Variants in NSUN4 observed in about 807,000 individuals in gnomAD.
The protein encoded by NSUN4 is NOP2/Sun RNA methyltransferase 4.
Under a neutral mutation model 43.8 loss-of-function variants are expected in NSUN4, and 31 were observed. The ratio of observed to expected loss-of-function variants is 0.71; its 90% CI spans 0.53 to 0.96. NSUN4 has a LOEUF of 0.96. Ranked by LOEUF, NSUN4 falls within the 40% of genes least tolerant of loss-of-function variation. NSUN4 has a pLI of 0.00. For synonymous variants in NSUN4, 167 were observed against 184.1 expected (o/e 0.91, Z 0.75); for missense variants, 439 against 475.6 (o/e 0.92, Z 0.72).
chr1:46,384,202 T>G, the NSUN4 span, among the ~76,000 whole-genome samples: 1 of 152,218 alleles, frequency 6.6e-6, no homozygotes, highest in Non-Finnish European at 1.5e-5. Flanking sequence ...GGCAAAGAAT[T>G]GAACATACTG....
the NSUN4 span, among the ~76,000 whole-genome samples, chr1:46,373,196 A>T: frequency 6.6e-6 from 1 of 152,104 alleles, no homozygotes; most frequent in Non-Finnish European, 1.5e-5. Context: ...TTGTCTTCTG[A>T]TCCTTCACCA....
At chr1:46,358,959 A>C (rs1663601043) in intron 4 of NSUN4, among the ~76,000 whole-genome samples, 3 of 152,066 alleles carry the variant, frequency 2.0e-5, no homozygotes, top group Admixed American at 6.6e-5. Flanking sequence ...GTCTCATTGA[A>C]AAAACAAATT....
intron 3 of NSUN4, among the ~76,000 whole-genome samples, chr1:46,351,774 C>T (rs1312443412): frequency 4.6e-5 from 7 of 151,014 alleles, no homozygotes; most frequent in Admixed American, 4.0e-4. Context: ...ACGCCTTTCC[C>T]CTGCCTCAGC....
At chr1:46,348,462 C>T (rs1662687739) in intron 3 of NSUN4, among the ~76,000 whole-genome samples, 1 of 152,016 alleles carries the variant, frequency 6.6e-6, no homozygotes, top group Non-Finnish European at 1.5e-5. Context: ...CCTATAATTC[C>T]AGCACTTTGG....
Position 46,352,895 on chromosome 1 carries a change from C to G in NSUN4, c.620C>G (p.Pro207Arg). The G allele has an allele frequency of 1.2e-6, 2 of 1,614,098 alleles. No individual in the cohort carries two copies. Among genetic ancestry groups the G allele is most frequent in the Non-Finnish European group, 1.7e-6 (2 of 1,179,986 alleles). ...AATCTTGCTGCCAATGATCTCTCCC[C>G]GTCCCGAATAGCCAGACTACAGAAG... is the stretch of plus-strand genomic sequence containing the variant. ...CRNLAANDLSPSRIARLQKIL... is the reference protein window; with the variant it reads ...CRNLAANDLSRSRIARLQKIL... Residue 207 changes from proline (P) to arginine (R), a missense_variant, in exon 4 of 6, where the codon CCG becomes CGG. Physicochemically the swap from Pro to Arg is moderately radical, Grantham distance 103 (BLOSUM62 -2). Transcript: ENST00000474844.
At chr1:46,368,000 A>C (rs1298750703), downstream of NSUN4, among the ~76,000 whole-genome samples, 2 of 152,148 alleles carry the variant, frequency 1.3e-5, no homozygotes, top group South Asian at 2.1e-4. Context: ...CTTGAGCTCA[A>C]GTGATCAGCC....
At chr1:46,354,730 C>G (rs138637760) in intron 4 of NSUN4, among the ~76,000 whole-genome samples, 2,990 of 152,070 alleles carry the variant, frequency 0.02, 85 homozygotes, top group African/African-American at 0.066. Flanking sequence ...TCTTGGCTCA[C>G]TGCAGCCTCC....
intron 4 of NSUN4, among the ~76,000 whole-genome samples, chr1:46,355,772 T>C (rs1357114674): frequency 6.6e-6 from 1 of 152,164 alleles, no homozygotes; most frequent in African/African-American, 2.4e-5. Flanking sequence ...CCCAGCACTT[T>C]GGGAGGCCAA....
chr1:46,349,859 A>T (rs767981922), intron 3 of NSUN4, among the ~76,000 whole-genome samples: 1 of 152,182 alleles, frequency 6.6e-6, no homozygotes, highest in Non-Finnish European at 1.5e-5. Flanking sequence ...GAGTAAGGGT[A>T]GGGTTACTTG....
chr1:46,360,898 C>G lies in NSUN4; in HGVS notation c.878+70C>G, dbSNP rs1663821093. On this transcript the variant is annotated intron_variant, in intron 5 of 5. Transcript: ENST00000474844. ...CTGGGAGACTGGGGGACTGGAAGCT[C>G]TTACCAAGACCATAACCCACACAAG... The G allele has an allele frequency of 1.9e-6, 3 of 1,553,036 alleles. No individual in the cohort carries two copies. In the Admixed American group the frequency reaches 5.1e-5, roughly 26 times the overall value.
chr1:46,343,966 C>G, intron 1 of NSUN4: 1 of 395,476 alleles, frequency 2.5e-6, no homozygotes, highest in Non-Finnish European at 4.5e-6. Flanking sequence ...AGCAAAAGTT[C>G]TGACCAGACC....
chr1:46,370,112 G>T (rs1350924753), downstream of NSUN4, among the ~76,000 whole-genome samples: 1 of 152,188 alleles, frequency 6.6e-6, no homozygotes, highest in African/African-American at 2.4e-5. Flanking sequence ...GACTGGGATG[G>T]AGAGGAAACT....
chr1:46,361,519 C>T (rs776172193), intron 5 of NSUN4, 51 bp from the exon 6 acceptor site: 7 of 1,554,080 alleles, frequency 4.5e-6, no homozygotes, highest in Admixed American at 1.7e-5. Flanking sequence ...TGTTGCTCTT[C>T]TACTGCTGGG....
intron 1 of NSUN4, chr1:46,341,398 A>G: frequency 1.0e-6 from 1 of 1,004,090 alleles, no homozygotes; most frequent in Non-Finnish European, 1.2e-6. Flanking sequence ...CCTTGCAGGA[A>G]AGGATTCAGC....
At chr1:46,365,848 C>T (rs913228020), downstream of NSUN4, among the ~76,000 whole-genome samples, 8 of 152,084 alleles carry the variant, frequency 5.3e-5, no homozygotes, top group Non-Finnish European at 8.8e-5. Flanking sequence ...TTGTAGTGGG[C>T]CGGGCAGTGT....
chr1:46,341,093 C>T, intron 1 of NSUN4, 174 bp downstream of exon 1: 2 of 1,206,160 alleles, frequency 1.7e-6, no homozygotes, highest in African/African-American at 3.1e-5. Flanking sequence ...ACTCTATGTC[C>T]CGAGCGTTAG....
the NSUN4 span, among the ~76,000 whole-genome samples, chr1:46,372,869 C>G: frequency 1.3e-5 from 2 of 152,172 alleles, no homozygotes; most frequent in African/African-American, 4.8e-5. Flanking sequence ...ACTTCAGGCA[C>G]GTGCCACCAC....
chr1:46,360,228 C>CAAAAAAAAAAA (rs1240539714), intron 4 of NSUN4, among the ~76,000 whole-genome samples: 3 of 35,024 alleles, frequency 8.6e-5, no homozygotes, highest in African/African-American at 1.7e-4. Flanking sequence ...GACTCCATCT[C>CAAAAAAAAAAA]AAAAAAAAAA....
At chr1:46,382,416 C>T in the NSUN4 span, among the ~76,000 whole-genome samples, 6 of 152,300 alleles carry the variant, frequency 3.9e-5, no homozygotes, top group Non-Finnish European at 5.9e-5. Context: ...GTGGTGCTGA[C>T]GGATAGGGAA....
Sources: gnomAD v4.1 joint callset for allele counts (sites outside exome capture counted in the v4.1 genomes callset) on GRCh38, gnomAD v4.1.1 for gene constraint, MANE v1.5 for transcripts, NCBI Gene and HGNC (gene_info 2026-07-23, HGNC 2026-07-21) for gene names.